The following MXRA7 variants were observed in gnomAD, a reference collection of about 807,000 sequenced individuals.
MXRA7 encodes matrix-remodeling-associated protein 7.
MXRA7 carries 18 observed loss-of-function variants against 17.4 expected under a neutral mutation model. The observed-to-expected ratio is 1.03, with a 90% CI of 0.71 to 1.53. MXRA7 has a LOEUF of 1.53. Among genes scored for constraint, MXRA7 ranks in the 40% most tolerant of loss-of-function variants. The pLI is 0.00. For synonymous variants in MXRA7, 70 were observed against 101.7 expected (o/e 0.69, Z 1.87); for missense variants, 141 against 209.3 (o/e 0.67, Z 2.01).
chr17:76,702,792 C>A (rs562868066), intron 1 of MXRA7, among the ~76,000 whole-genome samples: 26 of 129,510 alleles, frequency 2.0e-4, no homozygotes, highest in African/African-American at 6.9e-4. Flanking sequence ...GGGTAGGTTG[C>A]AGTGAGCCAA....
At chr17:76,694,672 C>A (rs528923127) in intron 1 of MXRA7, among the ~76,000 whole-genome samples, 2 of 152,266 alleles carry the variant, frequency 1.3e-5, no homozygotes, top group Non-Finnish European at 2.9e-5. Context: ...TGCATCCTTG[C>A]CCTTCCAGGC....
At chr17:76,703,247 C>G (rs1248376617) in intron 1 of MXRA7, among the ~76,000 whole-genome samples, 1 of 152,132 alleles carries the variant, frequency 6.6e-6, no homozygotes, top group African/African-American at 2.4e-5. Context: ...ACCCAGAGGT[C>G]AGGTTGGTCA....
downstream of MXRA7, chr17:76,674,987 G>A (rs905661737): frequency 2.0e-5 from 3 of 152,212 alleles, no homozygotes; most frequent in Middle Eastern, 3.2e-3. Flanking sequence ...TGAGCTAAGA[G>A]AACTGCAGCT....
At chr17:76,684,012 T>C (rs2076350256) in intron 3 of MXRA7, 2 of 1,063,710 alleles carry the variant, frequency 1.9e-6, no homozygotes, top group Non-Finnish European at 2.9e-6. Context: ...CCAGGGCTCT[T>C]CCTCCTGGCT....
intron 2 of MXRA7, among the ~76,000 whole-genome samples, chr17:76,686,936 G>C (rs757963605): frequency 6.6e-6 from 1 of 152,108 alleles, no homozygotes. Context: ...TGCAGATAAG[G>C]GGGGAGGCTG....
downstream of MXRA7, chr17:76,677,310 T>C: frequency 3.6e-6 from 1 of 275,826 alleles, no homozygotes; most frequent in Admixed American, 5.1e-5. Context: ...AAAAAAAGAT[T>C]TGGATCAGGA....
In MXRA7 at chr17:76,681,654, G is replaced by A. The variant is rs1362574201; in HGVS notation, c.501-775C>T. Among the ~76,000 whole-genome samples the A allele has an allele frequency of 1.3e-5, 2 of 152,112 alleles. No homozygotes were observed. Among genetic ancestry groups the A allele is most frequent in the East Asian group, 1.9e-4 (1 of 5,200 alleles). On this transcript the variant is annotated intron_variant, in intron 3 of 3. Coordinates refer to ENST00000449428, the MANE Select transcript of MXRA7 (RefSeq NM_198530.4). This position sits in a 1 kb window ranked among gnomAD's most constrained non-coding sequence, Gnocchi z 4.7. ...CTGCAGACCTCAAATGGAGGGGTGGGTCCTGATCTATCAGAGCCAGCCCAG... is the reference window on the plus strand; with the variant it reads ...CTGCAGACCTCAAATGGAGGGGTGGATCCTGATCTATCAGAGCCAGCCCAG...
chr17:76,703,883 C>G (rs1849029966), intron 1 of MXRA7, among the ~76,000 whole-genome samples: 2 of 151,866 alleles, frequency 1.3e-5, no homozygotes, highest in Admixed American at 6.6e-5. Context: ...TGGGTTTTCT[C>G]TGGGCCATCA....
At chr17:76,697,906 G>GC (rs1424203142) in intron 1 of MXRA7, among the ~76,000 whole-genome samples, 2 of 151,674 alleles carry the variant, frequency 1.3e-5, no homozygotes, top group African/African-American at 4.8e-5. Flanking sequence ...AGAGGGGAGG[G>GC]GAGAGAAGAG....
rs758549548 is a variant in MXRA7 at position 76,685,042 on chromosome 17, C to T, written c.500+30G>A. The T allele has an allele frequency of 4.4e-6, 7 of 1,594,150 alleles. No individual in the cohort carries two copies. In the South Asian group the frequency reaches 4.4e-5, roughly 10 times the overall value. ...GGCACCCCCCTCCCCCAAGAGCCCG[C>T]CAGGCGCCAGCGAAGGGGCTGCAGC... On this transcript the variant is annotated intron_variant, in intron 3 of 3. Transcript: ENST00000449428.
At chr17:76,699,357 A>G (rs1598355961) in intron 1 of MXRA7, among the ~76,000 whole-genome samples, 1 of 151,454 alleles carries the variant, frequency 6.6e-6, no homozygotes. Context: ...TGTTGCTCAG[A>G]GTGGTCTCAA....
At chr17:76,708,260 G>A (rs368035031) in intron 1 of MXRA7, among the ~76,000 whole-genome samples, 1 of 152,242 alleles carries the variant, frequency 6.6e-6, no homozygotes, top group African/African-American at 2.4e-5. Flanking sequence ...GCCTCCCTGG[G>A]AAGGGAGAGG....
In MXRA7 at chr17:76,688,792, C is replaced by T. The variant is rs141145478; in HGVS notation, c.343-616G>A. On this transcript the variant is annotated intron_variant, in intron 1 of 3. Coordinates refer to ENST00000449428, the MANE Select transcript of MXRA7 (RefSeq NM_198530.4). ...TTGCAGGAATGTCAGAGGATGAGAGCGACGTGCCGTGCCCATGGGCTCTGT... is the reference window on the plus strand; with the variant it reads ...TTGCAGGAATGTCAGAGGATGAGAGTGACGTGCCGTGCCCATGGGCTCTGT... 574 of 730,550 alleles carry T rather than the reference C, an allele frequency of 7.9e-4. 3 individuals are homozygous for T. The African/African-American group carries it at 8.2e-3, about 10-fold the overall frequency. The allele number at this position is 730,550 out of a possible 1,614,324, so 45.3% of individuals were successfully genotyped here.
intron 1 of MXRA7, 61 bp from the exon 2 acceptor site, chr17:76,688,237 G>A: frequency 6.2e-7 from 1 of 1,607,482 alleles, no homozygotes; most frequent in Non-Finnish European, 8.5e-7. Flanking sequence ...AAGTGGTGGG[G>A]GGGCAGAAGG....
At chr17:76,708,692 A>T (rs1305915161) in intron 1 of MXRA7, among the ~76,000 whole-genome samples, 1 of 152,162 alleles carries the variant, frequency 6.6e-6, no homozygotes, top group Non-Finnish European at 1.5e-5. Flanking sequence ...GGGATGACAC[A>T]ATATCTGTGT....
chr17:76,687,590 G>A (rs1016665481), intron 2 of MXRA7, among the ~76,000 whole-genome samples: 4 of 152,158 alleles, frequency 2.6e-5, no homozygotes, highest in Admixed American at 6.5e-5. Flanking sequence ...GGCCGGGTCC[G>A]ATCTGGCAGT....
chr17:76,683,571 G>A (rs533849332), intron 3 of MXRA7, among the ~76,000 whole-genome samples: 1 of 152,294 alleles, frequency 6.6e-6, no homozygotes, highest in Non-Finnish European at 1.5e-5. Flanking sequence ...CCAGCCTTGC[G>A]AGGGGGCGCT....
At chr17:76,700,423 A>G (rs2076577461) in intron 1 of MXRA7, among the ~76,000 whole-genome samples, 1 of 141,196 alleles carries the variant, frequency 7.1e-6, no homozygotes. Flanking sequence ...TACCTTACAG[A>G]GCAGTCTTCC....
intron 2 of MXRA7, among the ~76,000 whole-genome samples, chr17:76,686,989 G>T (rs2076406171): frequency 6.6e-6 from 1 of 152,176 alleles, no homozygotes; most frequent in Non-Finnish European, 1.5e-5. Context: ...GCTATGCCAG[G>T]GAGAGGGGTC....
Sources: allele counts gnomAD v4.1 joint callset (sites outside exome capture counted in the v4.1 genomes callset), GRCh38; gene constraint gnomAD v4.1.1; non-coding constraint Gnocchi (gnomAD v3.1); transcripts MANE v1.5; gene names NCBI Gene and HGNC (gene_info 2026-07-23, HGNC 2026-07-21).